HACD3: variants seen among roughly 807,000 people sequenced by gnomAD.
HACD3 encodes the protein 3-hydroxyacyl-CoA dehydratase 3, also known as very-long-chain (3R)-3-hydroxyacyl-CoA dehydratase 3.
HACD3 carries 30 observed loss-of-function variants against 55.2 expected under a neutral mutation model. The observed-to-expected ratio is 0.54, with a 90% confidence interval of 0.41 to 0.74. HACD3 has a LOEUF of 0.74. Ranked by LOEUF, HACD3 falls within the 30% of genes least tolerant of loss-of-function variation. HACD3 has a pLI of 0.00. For synonymous variants in HACD3, 141 were observed against 151.7 expected, an observed-to-expected ratio of 0.93 and a Z score of 0.52; for missense variants, 363 against 440.1, an observed-to-expected ratio of 0.82 and a Z score of 1.57.
intron 6 of HACD3, among the ~76,000 whole-genome samples, chr15:65,563,590 G>A (rs536120412): frequency 5.3e-5 from 8 of 152,206 alleles, no homozygotes; most frequent in South Asian, 2.1e-4. Flanking sequence ...GATCTCTTGC[G>A]CCCAGGAGGT....
chr15:65,542,242 A>AAAAAG (rs1177076723), intron 1 of HACD3, among the ~76,000 whole-genome samples: 4 of 140,622 alleles, frequency 2.8e-5, no homozygotes, highest in African/African-American at 7.6e-5. Flanking sequence ...AAAAAAAAAA[A>AAAAAG]AAAAGAAAAG....
chr15:65,572,829 C>T (rs866413043), intron 10 of HACD3, among the ~76,000 whole-genome samples: 27 of 150,452 alleles, frequency 1.8e-4, no homozygotes, highest in Admixed American at 1.3e-4. Flanking sequence ...GCAGGAGAAT[C>T]GCTTGAACCC....
rs2279854 is a variant in HACD3 at position 65,571,579 on chromosome 15, A to C, written c.805A>C (p.Met269Leu). 94,012 of 1,613,370 alleles carry C rather than the reference A, an allele frequency of 0.058. 3,058 individuals carry two copies. Among genetic ancestry groups the C allele is most frequent in the African/African-American group, 0.092 (6,903 of 75,016 alleles). Residue 269 changes from methionine (M) to leucine (L), a missense_variant, in exon 9 of 11, where the codon ATG (methionine) becomes CTG (leucine). By Grantham distance (15) the Met-to-Leu change is conservative. Coordinates refer to ENST00000261875, the MANE Select transcript of HACD3 (RefSeq NM_016395.4). ...YSFYMLTCID[M>L]DWKVLTWLRY... ...TTTCTACATGCTGACGTGCATTGAC[A>C]TGGATTGGAAGGTGCTCACATGGCT...
intron 2 of HACD3, among the ~76,000 whole-genome samples, chr15:65,552,243 G>A (rs1567334994): frequency 6.6e-6 from 1 of 152,124 alleles, no homozygotes. Context: ...TGATTGCATG[G>A]CAGTACTTGA....
chr15:65,541,584 G>C (rs929891488), intron 1 of HACD3, among the ~76,000 whole-genome samples: 10 of 152,234 alleles, frequency 6.6e-5, no homozygotes, highest in Non-Finnish European at 1.0e-4. Flanking sequence ...GTCCGCTATA[G>C]ATTGGATGTT....
In HACD3 at chr15:65,577,692, G is replaced by GT; in HGVS notation, c.*1314dup. On this transcript the variant is annotated 3_prime_UTR_variant, in exon 11 of 11. Transcript: ENST00000261875. ...ACTTGTTCTAGTGAGTGGTGGGACT[G>GT]TACATTTTTGAATAGACCTCAAAAA... 6.6e-6 allele frequency: 1 copy of GT among 152,150 alleles called. No homozygotes were observed. Among genetic ancestry groups the GT allele is most frequent in the East Asian group, 1.9e-4 (1 of 5,200 alleles). 9.4% of individuals were successfully genotyped at this position (152,150 alleles called of 1,614,324 possible). A position where few individuals can be genotyped will look rare whatever the true frequency, so the allele number is the denominator to read the frequency against.
intron 1 of HACD3, among the ~76,000 whole-genome samples, chr15:65,549,294 AAGGTCAAACCC>A (rs1448211985): frequency 6.6e-6 from 1 of 152,080 alleles, no homozygotes; most frequent in Non-Finnish European, 1.5e-5. Context: ...CAATAGAAGT[AAGGTCAAACCC>A]AGCCTGGTGC....
At chr15:65,554,685 G>A (rs113158174) in intron 2 of HACD3, among the ~76,000 whole-genome samples, 3,089 of 152,210 alleles carry the variant, frequency 0.02, 122 homozygotes, top group African/African-American at 0.069. Flanking sequence ...TGAGGCAGGA[G>A]AATGGCATGA....
chr15:65,540,940 ATCTG>A (rs1213510877), intron 1 of HACD3, among the ~76,000 whole-genome samples: 2 of 152,168 alleles, frequency 1.3e-5, no homozygotes, highest in Non-Finnish European at 2.9e-5. Flanking sequence ...TTTGAGATAT[ATCTG>A]AAGAGAACCT....
At chr15:65,536,336 A>G (rs2071954863) in intron 1 of HACD3, among the ~76,000 whole-genome samples, 1 of 152,200 alleles carries the variant, frequency 6.6e-6, no homozygotes, top group Non-Finnish European at 1.5e-5. Context: ...AAATGCACCT[A>G]TATAAGATGG....
At chr15:65,576,092 G>A (rs1189389939) in intron 10 of HACD3, among the ~76,000 whole-genome samples, 5 of 152,072 alleles carry the variant, frequency 3.3e-5, no homozygotes, top group African/African-American at 4.8e-5. Context: ...AGACCCTGTC[G>A]CAATAAATAA....
At chr15:65,553,756 AAT>A (rs1390385087) in intron 2 of HACD3, among the ~76,000 whole-genome samples, 1 of 152,220 alleles carries the variant, frequency 6.6e-6, no homozygotes, top group Non-Finnish European at 1.5e-5. Context: ...ACCTGTAGCG[AAT>A]ATTAGGCAGG....
At chr15:65,555,299 A>G (rs1009152784) in intron 3 of HACD3, among the ~76,000 whole-genome samples, 1 of 152,228 alleles carries the variant, frequency 6.6e-6, no homozygotes, top group Admixed American at 6.5e-5. Context: ...GCAGAGGAAT[A>G]TGGCACCCAT....
chr15:65,531,750 G>T (rs1248605586), intron 1 of HACD3, among the ~76,000 whole-genome samples: 1 of 151,958 alleles, frequency 6.6e-6, no homozygotes, highest in East Asian at 1.9e-4. Flanking sequence ...ATTTTTAGTA[G>T]CGACAGGGTT....
chr15:65,558,550 C>A, intron 4 of HACD3, 130 bp from the exon 5 acceptor site: 1 of 796,938 alleles, frequency 1.3e-6, no homozygotes, highest in Non-Finnish European at 2.1e-6. Context: ...AATATTCTCC[C>A]AATGATGCAC....
intron 1 of HACD3, among the ~76,000 whole-genome samples, chr15:65,546,571 A>G (rs1157674064): frequency 1.3e-5 from 2 of 152,146 alleles, no homozygotes; most frequent in Admixed American, 1.3e-4. Flanking sequence ...TAGAAGGTAT[A>G]TGAGTTTTCA....
At chr15:65,573,908 G>T (rs2072376121) in intron 10 of HACD3, among the ~76,000 whole-genome samples, 1 of 152,132 alleles carries the variant, frequency 6.6e-6, no homozygotes, top group Non-Finnish European at 1.5e-5. Flanking sequence ...CATGTTTAAG[G>T]ATAAGACAAG....
chr15:65,568,198 A>C (rs952474227), intron 7 of HACD3, among the ~76,000 whole-genome samples: 2 of 152,020 alleles, frequency 1.3e-5, no homozygotes, highest in Non-Finnish European at 2.9e-5. Flanking sequence ...CTGGGATTAC[A>C]GACGTGAGCC....
chr15:65,554,794 A>G lies in HACD3; in HGVS notation c.131-93A>G, dbSNP rs1004014265. 9 of 852,964 alleles carry G rather than the reference A, an allele frequency of 1.1e-5. No homozygotes were observed. In the African/African-American group the frequency reaches 1.5e-4, roughly 15 times the overall value. 52.8% of individuals were successfully genotyped at this position (852,964 alleles called of 1,614,324 possible). ...TGTCTCAAAAAAAAAAAAGTGTAATATTCGCATACTTGGGAAAGAACTGCA... is the reference window on the plus strand; with the variant it reads ...TGTCTCAAAAAAAAAAAAGTGTAATGTTCGCATACTTGGGAAAGAACTGCA... On this transcript the variant is annotated intron_variant, in intron 2 of 10. Transcript: ENST00000261875.
Sources: allele counts gnomAD v4.1 joint callset (sites outside exome capture counted in the v4.1 genomes callset), GRCh38; gene constraint gnomAD v4.1.1; transcripts MANE v1.5; gene names NCBI Gene and HGNC (gene_info 2026-07-23, HGNC 2026-07-21).